RBP3: variants seen among roughly 807,000 people sequenced by gnomAD.
RBP3 encodes retinol binding protein 3.
A neutral mutation model predicts 64.8 loss-of-function variants in RBP3; 50 were observed. The observed-to-expected ratio is 0.77, with a 90% CI of 0.61 to 0.98. The LOEUF (loss-of-function observed/expected upper bound fraction) is 0.98, where lower values mean the gene tolerates loss of function less well. RBP3 is among the 50% of genes least tolerant of loss of function. The pLI is 0.00. For missense variants in RBP3, 1,712 were observed against 1,660.5 expected (o/e 1.03, Z -0.54); for synonymous variants, 828 against 730.2 (o/e 1.13, Z -2.16).
chr10:47,355,194 G>A (rs1837028891), intron 2 of RBP3, among the ~76,000 whole-genome samples, 182 bp from the exon 3 acceptor site: 1 of 152,176 alleles, frequency 6.6e-6, no homozygotes, highest in African/African-American at 2.4e-5. Flanking sequence ...AAAGAGACTA[G>A]TACTCTTGGA....
chr10:47,350,089 T>C lies in RBP3; in HGVS notation c.1605T>C (p.Arg535=). The C allele has an allele frequency of 2.5e-6, 4 of 1,612,910 alleles. No individual in the cohort carries two copies. The highest frequency in any genetic ancestry group is 3.4e-6 in the Non-Finnish European group (4 of 1,179,960). ...ELPGPRYSTQ[R]GVYLLTSHRT... ...CGGGCCCACGCTACAGCACCCAACG[T>C]GGGGTGTATCTGCTCACCAGCCACC... is the stretch of plus-strand genomic sequence containing the variant. The change falls in exon 1 of 4, where the codon CGT becomes CGC. Residue 535 remains arginine, a synonymous_variant. Transcript: ENST00000584701.
chr10:47,351,079 C>T lies in RBP3; in HGVS notation c.2595C>T (p.Ala865=), dbSNP rs1836964593. The change falls in exon 1 of 4, where the codon GCC becomes GCT. Residue 865 remains alanine, a synonymous_variant. Transcript: ENST00000584701. The part of the protein sequence containing the change: ...FAHTMQDLQR[A]TVIGEPTAGG... The stretch of plus-strand genomic sequence containing the variant: ...ACACCATGCAGGACCTGCAGCGGGC[C>T]ACGGTCATTGGGGAGCCCACGGCCG... 1 of 1,612,182 alleles carries T rather than the reference C, an allele frequency of 6.2e-7. No individual in the cohort carries two copies. The highest frequency in any genetic ancestry group is 8.5e-7 in the Non-Finnish European group (1 of 1,179,954).
At chr10:47,355,603 G>T in intron 3 of RBP3, 85 bp downstream of exon 3, 1 of 1,572,118 alleles carries the variant, frequency 6.4e-7, no homozygotes, top group Non-Finnish European at 8.7e-7. Context: ...GTAGGTAAAA[G>T]TCATAGTAAC....
Position 47,355,448 on chromosome 10 carries a change from T to A in RBP3, c.3318T>A (p.Val1106=), listed in dbSNP as rs1837033226. Residue 1106 remains valine, a synonymous_variant, in exon 3 of 4, where the codon GTT becomes GTA. Coordinates refer to ENST00000584701, the MANE Select transcript of RBP3 (RefSeq NM_002900.3). ...CSYFFDEGPP[V]LLDKIYSRPD... is the part of the protein sequence containing the mutation. Reference sequence around the variant, plus strand: ...ACTTCTTTGATGAAGGCCCTCCAGTTCTGCTGGACAAGATCTACAGCCGGC... The same window carrying A: ...ACTTCTTTGATGAAGGCCCTCCAGTACTGCTGGACAAGATCTACAGCCGGC... 5 of 1,614,188 alleles carry A rather than the reference T, an allele frequency of 3.1e-6. No homozygotes were observed. The highest frequency in any genetic ancestry group is 4.2e-6 in the Non-Finnish European group (5 of 1,180,038).
Position 47,357,697 on chromosome 10 carries a change from A to G in RBP3, c.*240A>G. On this transcript the variant is annotated 3_prime_UTR_variant, in exon 4 of 4. Coordinates refer to ENST00000584701, the MANE Select transcript of RBP3 (RefSeq NM_002900.3). ...CTTTCCAATAACCACCTAAATTTTAACAAAGGTTCCTTCTAAGTGGTAGAA... is the reference window on the plus strand; with the variant it reads ...CTTTCCAATAACCACCTAAATTTTAGCAAAGGTTCCTTCTAAGTGGTAGAA... The G allele has an allele frequency of 2.6e-6, 1 of 389,652 alleles. No homozygotes were observed. Among genetic ancestry groups the G allele is most frequent in the Admixed American group, 4.1e-5 (1 of 24,534 alleles). 24.1% of individuals were successfully genotyped at this position (389,652 alleles called of 1,614,324 possible).
rs115562835 is a variant in RBP3, at chr10:47,348,562, C to G, written c.78C>G (p.Ser26Arg). ...LAGPTHLFQP[S>R]LVLDMAKVLL... is the part of the protein sequence containing the mutation. The stretch of plus-strand genomic sequence containing the variant: ...GCCCCACACACCTGTTCCAGCCAAG[C>G]CTGGTGCTGGACATGGCCAAGGTCC... The change falls in exon 1 of 4, where the codon AGC becomes AGG. Residue 26 changes from serine (S) to arginine (R), a missense_variant. Coordinates refer to ENST00000584701, the MANE Select transcript of RBP3 (RefSeq NM_002900.3). The G allele has an allele frequency of 3.1e-6, 5 of 1,612,732 alleles. No individual in the cohort carries two copies. Among genetic ancestry groups the G allele is most frequent in the Non-Finnish European group, 4.2e-6 (5 of 1,180,020 alleles).
Position 47,353,426 on chromosome 10 carries a change from C to T in RBP3, c.3156C>T (p.Asp1052=), listed in dbSNP as rs756128531. 161 of 1,614,006 alleles carry T rather than the reference C, an allele frequency of 1.0e-4. No individual in the cohort carries two copies. The highest frequency in any genetic ancestry group is 1.4e-4 in the South Asian group (13 of 91,096). The change falls in exon 2 of 4, where the codon GAC becomes GAT. Residue 1052 remains aspartate (D), a synonymous_variant. Transcript: ENST00000584701. ...ACTTGAGGTTTGACATGTTTGGGGA[C>T]GGTGAGCTGCTCACCCAGGTCTCCA... ...IGYLRFDMFG[D]GELLTQVSRL...
rs1403864985 is a variant in RBP3 at position 47,353,360 on chromosome 10, G to T, written c.3090G>T (p.Lys1030Asn). 7 of 1,613,976 alleles carry T rather than the reference G, an allele frequency of 4.3e-6. No homozygotes were observed. In the African/African-American group the frequency reaches 6.7e-5, roughly 15 times the overall value. Residue 1030 changes from lysine to asparagine, a missense_variant, in exon 2 of 4, where the codon AAG becomes AAT. Physicochemically the swap from Lys to Asn is moderately conservative, Grantham distance 94 (BLOSUM62 0). Coordinates refer to ENST00000584701, the MANE Select transcript of RBP3 (RefSeq NM_002900.3). Reference sequence around the variant, plus strand: ...CTGAAGTATTTGAAGAGCTGATCAAGTTTTCCTTCCACACTAACGTGCTTG... The same window carrying T: ...CTGAAGTATTTGAAGAGCTGATCAATTTTTCCTTCCACACTAACGTGCTTG... ...PSPEVFEELI[K>N]FSFHTNVLED...
At position 47,349,956 on chromosome 10, in the gene RBP3, T is replaced by C. The variant is rs782308335; in HGVS notation, c.1472T>C (p.Leu491Pro). The change falls in exon 1 of 4, where the codon CTG (leucine) becomes CCG (proline). Residue 491 changes from leucine (L) to proline (P), a missense_variant. Transcript: ENST00000584701. ...GGAGGGCCATCCTCTGCTGTGCCCC[T>C]GCTCCTGTCCTACTTCCAGGGCCCT... Reference protein sequence around the residue: ...NPGGPSSAVPLLLSYFQGPEA... With the variant: ...NPGGPSSAVPPLLSYFQGPEA... The C allele has an allele frequency of 6.2e-7, 1 of 1,612,614 alleles. No homozygotes were observed. The highest frequency in any genetic ancestry group is 1.1e-5 in the South Asian group (1 of 91,052).
rs1836955784 is a variant in RBP3 at position 47,350,696 on chromosome 10, G to C, written c.2212G>C (p.Val738Leu). The C allele has an allele frequency of 6.2e-7, 1 of 1,613,206 alleles. No homozygotes were observed. Among genetic ancestry groups the C allele is most frequent in the Non-Finnish European group, 8.5e-7 (1 of 1,180,038 alleles). The part of the protein sequence containing the change: ...YLIEALFKTE[V>L]LPGQLGYLRF... ...TATTGAGGCCCTGTTCAAGACAGAG[G>C]TGCTGCCCGGCCAGCTGGGCTACCT... is the stretch of plus-strand genomic sequence containing the variant. Residue 738 changes from valine to leucine, a missense_variant, in exon 1 of 4, where the codon GTG becomes CTG. Val to Leu is a conservative substitution (Grantham distance 32). Coordinates refer to ENST00000584701, the MANE Select transcript of RBP3 (RefSeq NM_002900.3).
chr10:47,349,427 A>AAGG lies in RBP3; in HGVS notation c.944_945insGGA (p.Lys315_Ala316insGlu). The AAGG allele has an allele frequency of 6.2e-7, 1 of 1,612,102 alleles. No homozygotes were observed. Among genetic ancestry groups the AAGG allele is most frequent in the Non-Finnish European group, 8.5e-7 (1 of 1,179,980 alleles). ...GACTCCGGCCGAGCAGGCCCTGGAGAAAGCCCTGGCCATCCTCACTCTGCG... is the reference window on the plus strand; with the variant it reads ...GACTCCGGCCGAGCAGGCCCTGGAGAAGGAAGCCCTGGCCATCCTCACTCTGCG... On this transcript the variant is annotated inframe_insertion, in exon 1 of 4. Transcript: ENST00000584701.
chr10:47,349,418 G>A lies in RBP3; in HGVS notation c.934G>A (p.Ala312Thr), dbSNP rs1020582345. 1.7e-5 allele frequency: 28 copies of A among 1,611,896 alleles called. No individual in the cohort carries two copies. Among genetic ancestry groups the A allele is most frequent in the Non-Finnish European group, 1.9e-5 (23 of 1,180,010 alleles). The change falls in exon 1 of 4, where the codon GCC becomes ACC. Residue 312 changes from alanine (A) to threonine (T), a missense_variant. By Grantham distance (58) the Ala-to-Thr change is moderately conservative. Transcript: ENST00000584701. ...CTGTGTGGGGACTCCGGCCGAGCAG[G>A]CCCTGGAGAAAGCCCTGGCCATCCT... Reference protein sequence around the residue: ...LPCVGTPAEQALEKALAILTL... With the variant: ...LPCVGTPAEQTLEKALAILTL...
In RBP3 at chr10:47,349,202, G is replaced by A. The variant is rs368502569; in HGVS notation, c.718G>A (p.Glu240Lys). Residue 240 changes from glutamate (E) to lysine (K), a missense_variant, in exon 1 of 4, where the codon GAG becomes AAG. Physicochemically the swap from Glu to Lys is moderately conservative, Grantham distance 56 (BLOSUM62 1). Transcript: ENST00000584701. ...CAGCAGCCAGACCAGGGGCGTGGCC[G>A]AGGACATCGCGCACATCCTTAAGCA... The part of the protein sequence containing the change: ...LTSSQTRGVA[E>K]DIAHILKQMR... 21 of 1,613,492 alleles carry A rather than the reference G, an allele frequency of 1.3e-5. No homozygotes were observed. The highest frequency in any genetic ancestry group is 4.4e-5 in the South Asian group (4 of 91,084).
In RBP3 at chr10:47,348,793, A is replaced by G; in HGVS notation, c.309A>G (p.Pro103=). 5 of 1,613,680 alleles carry G rather than the reference A, an allele frequency of 3.1e-6. No individual in the cohort carries two copies. Among genetic ancestry groups the G allele is most frequent in the Non-Finnish European group, 4.2e-6 (5 of 1,180,018 alleles). ...PSTPEPPPQV[P]ALTSLSEEEL... ...CCCCCGAGCCTCCCCCACAAGTCCC[A>G]GCACTCACCAGCCTCTCAGAAGAGG... The change falls in exon 1 of 4, where the codon CCA becomes CCG. Residue 103 remains proline, a synonymous_variant. Coordinates refer to ENST00000584701, the MANE Select transcript of RBP3 (RefSeq NM_002900.3).
At position 47,353,510 on chromosome 10, in the gene RBP3, C is replaced by G. The variant is rs1837007560; in HGVS notation, c.3240C>G (p.Asp1080Glu). The stretch of plus-strand genomic sequence containing the variant: ...TGCACACGGATGCCATGATCATCGA[C>G]ATGAGGTCAGTGGCCAGGGGTCAGT... ...KIMHTDAMII[D>E]MRFNIGGPTS... Residue 1080 changes from aspartate (D) to glutamate (E), a missense_variant, in exon 2 of 4, where the codon GAC becomes GAG. Coordinates refer to ENST00000584701, the MANE Select transcript of RBP3 (RefSeq NM_002900.3). The G allele has an allele frequency of 1.2e-6, 2 of 1,613,852 alleles. No homozygotes were observed. The highest frequency in any genetic ancestry group is 1.7e-6 in the Non-Finnish European group (2 of 1,180,024).
rs782805374 is a variant in RBP3, at chr10:47,349,402, G to A, written c.918G>A (p.Gly306=). 2 of 1,611,914 alleles carry A rather than the reference G, an allele frequency of 1.2e-6. No individual in the cohort carries two copies. Among genetic ancestry groups the A allele is most frequent in the Non-Finnish European group, 8.5e-7 (1 of 1,179,974 alleles). ...WEGSGVLPCV[G]TPAEQALEKA... ...GCAGCGGGGTGCTGCCCTGTGTGGGGACTCCGGCCGAGCAGGCCCTGGAGA... is the reference window on the plus strand; with the variant it reads ...GCAGCGGGGTGCTGCCCTGTGTGGGAACTCCGGCCGAGCAGGCCCTGGAGA... Residue 306 remains glycine (G), a synonymous_variant, in exon 1 of 4, where the codon GGG becomes GGA. Transcript: ENST00000584701.
In RBP3 at chr10:47,357,743, T is replaced by C. The variant is rs1837071221; in HGVS notation, c.*286T>C. The C allele has an allele frequency of 3.2e-6, 1 of 309,836 alleles. No homozygotes were observed. The highest frequency in any genetic ancestry group is 1.1e-4 in the South Asian group (1 of 9,458). 19.2% of individuals were successfully genotyped at this position (309,836 alleles called of 1,614,324 possible). A position where few individuals can be genotyped will look rare whatever the true frequency, so the allele number is the denominator to read the frequency against. ...TAGAACTTGGGGTGGTATTTTTACC[T>C]TCCTTCTTCATACTTTGCTCTTTTT... On this transcript the variant is annotated 3_prime_UTR_variant, in exon 4 of 4. Coordinates refer to ENST00000584701, the MANE Select transcript of RBP3 (RefSeq NM_002900.3).
intron 1 of RBP3, among the ~76,000 whole-genome samples, chr10:47,352,257 G>A (rs528850913): frequency 1.3e-5 from 2 of 152,346 alleles, no homozygotes; most frequent in South Asian, 2.1e-4. Context: ...GGACCCTGAC[G>A]AGTGCAGGGA....
chr10:47,350,021 C>T lies in RBP3; in HGVS notation c.1537C>T (p.Arg513Cys), dbSNP rs781901493. Reference protein sequence around the residue: ...PVHLFTTYDRRTNITQEHFSH... With the variant: ...PVHLFTTYDRCTNITQEHFSH... ...GCACCTCTTCACCACCTATGATCGC[C>T]GCACCAACATCACGCAGGAGCACTT... The change falls in exon 1 of 4, where the codon CGC (arginine) becomes TGC (cysteine). Residue 513 changes from arginine (R) to cysteine (C), a missense_variant. Transcript: ENST00000584701. 4 of 1,613,026 alleles carry T rather than the reference C, an allele frequency of 2.5e-6. No homozygotes were observed. The highest frequency in any genetic ancestry group is 2.2e-5 in the East Asian group (1 of 44,864).
Sources: gnomAD v4.1 joint callset for allele counts (sites outside exome capture counted in the v4.1 genomes callset) on GRCh38, gnomAD v4.1.1 for gene constraint, MANE v1.5 for transcripts, NCBI Gene and HGNC (gene_info 2026-07-23, HGNC 2026-07-21) for gene names.